Variants in ATP8B2 observed in about 807,000 individuals in gnomAD.
ATP8B2 encodes phospholipid-transporting ATPase ID.
A neutral mutation model predicts 133.4 loss-of-function variants in ATP8B2; 70 were observed. That is an observed-to-expected ratio of 0.52 (90% CI 0.43 to 0.64). ATP8B2 has a LOEUF of 0.64. Ranked by LOEUF, ATP8B2 falls within the 30% of genes least tolerant of loss-of-function variation. The pLI, the probability that ATP8B2 is intolerant of heterozygous loss-of-function variation, is 0.00. For missense variants in ATP8B2, 1,101 were observed against 1,535.7 expected, an observed-to-expected ratio of 0.72 and a Z score of 4.73; for synonymous variants, 517 against 589.5, an observed-to-expected ratio of 0.88 and a Z score of 1.78.
At chr1:154,333,931 G>A (rs1686090671) in intron 9 of ATP8B2, among the ~76,000 whole-genome samples, 176 bp from the exon 10 acceptor site, 1 of 152,122 alleles carries the variant, frequency 6.6e-6, no homozygotes, top group East Asian at 1.9e-4. Flanking sequence ...TGCCGCGCCC[G>A]GCCTGCTTCA....
In ATP8B2 at chr1:154,345,637, G is replaced by C. The variant is rs893664742; in HGVS notation, c.2694+92G>C. On this transcript the variant is annotated intron_variant, in intron 23 of 27. Transcript: ENST00000368489. This position sits in a 1 kb window ranked among gnomAD's most constrained non-coding sequence, Gnocchi z 5.6. ...TTATCACTCAGTCCCCCAGGGCCTA[G>C]CTATTTTCTGGTACATACTCTTAAA... 7.3e-7 allele frequency: 1 copy of C among 1,360,864 alleles called. No individual in the cohort carries two copies. The highest frequency in any genetic ancestry group is 1.0e-6 in the Non-Finnish European group (1 of 975,080). 84.3% of individuals were successfully genotyped at this position (1,360,864 alleles called of 1,614,324 possible).
Position 154,331,546 on chromosome 1 carries a change from G to T in ATP8B2, c.365+41G>T, listed in dbSNP as rs1344962000. On this transcript the variant is annotated intron_variant, in intron 6 of 27. Transcript: ENST00000368489. The surrounding 1 kb of genome is among the most constrained non-coding windows in gnomAD (Gnocchi z 4.8). ...AGACAAGAGCTCTGGGGACGAAGGGGGTCCCTTAGGAACCTCTTTAGCTCC... is the reference window on the plus strand; with the variant it reads ...AGACAAGAGCTCTGGGGACGAAGGGTGTCCCTTAGGAACCTCTTTAGCTCC... 6 of 1,613,314 alleles carry T rather than the reference G, an allele frequency of 3.7e-6. No homozygotes were observed. In the South Asian group the frequency reaches 6.6e-5, roughly 18 times the overall value.
Position 154,331,106 on chromosome 1 carries a change from T to G in ATP8B2, c.263T>G (p.Val88Gly). The G allele has an allele frequency of 6.2e-7, 1 of 1,614,180 alleles. No individual in the cohort carries two copies. The highest frequency in any genetic ancestry group is 8.5e-7 in the Non-Finnish European group (1 of 1,179,998). ...WFTTIVPLVL[V>G]LTITAVKDAT... ...ACCACCATTGTGCCTTTGGTTCTTG[T>G]CCTCACCATCACAGCTGTTAAAGAT... Residue 88 changes from valine (V) to glycine (G), a missense_variant, in exon 5 of 28, where the codon GTC becomes GGC. Physicochemically the swap from Val to Gly is moderately radical, Grantham distance 109. Transcript: ENST00000368489. The surrounding 1 kb of genome is among the most constrained non-coding windows in gnomAD (Gnocchi z 4.8).
chr1:154,334,196 C>G lies in ATP8B2; in HGVS notation c.679C>G (p.Gln227Glu), dbSNP rs1686098443. The change falls in exon 10 of 28, where the codon CAG becomes GAG. Residue 227 changes from glutamine to glutamate, a missense_variant. By Grantham distance (29) the Gln-to-Glu change is conservative (BLOSUM62 2). Coordinates refer to ENST00000368489, the MANE Select transcript of ATP8B2 (RefSeq NM_001370597.1). The surrounding 1 kb of genome is among the most constrained non-coding windows in gnomAD (Gnocchi z 4.6). ...WKENKFPLSN[Q>E]NMLLRGCVLR... ...GGAAAATAAGTTCCCTCTGAGCAAC[C>G]AGAACATGCTGCTGCGGGGCTGTGT... The G allele has an allele frequency of 6.2e-7, 1 of 1,614,180 alleles. No homozygotes were observed.
intron 14 of ATP8B2, 77 bp downstream of exon 14, chr1:154,342,600 G>A: frequency 6.6e-7 from 1 of 1,513,438 alleles, no homozygotes; most frequent in Admixed American, 1.7e-5. Context: ...CAGGAGTGAT[G>A]TGTTGTCTGG....
Position 154,348,551 on chromosome 1 carries a change from G to A in ATP8B2, c.3294+13G>A, listed in dbSNP as rs1686674294. ...TCTCTCCGACACGGTGAGAAGCCAG[G>A]CTACCTGCTGTGGGAGGCAGAGATG... On this transcript the variant is annotated intron_variant, in intron 27 of 27. Transcript: ENST00000368489. 3 of 1,612,406 alleles carry A rather than the reference G, an allele frequency of 1.9e-6. No homozygotes were observed.
chr1:154,340,503 C>T lies in ATP8B2; in HGVS notation c.1035-351C>T. The T allele has an allele frequency of 4.1e-6, 1 of 243,612 alleles. No individual in the cohort carries two copies. Among genetic ancestry groups the T allele is most frequent in the Non-Finnish European group, 8.7e-6 (1 of 115,194 alleles). The allele number at this position is 243,612 out of a possible 1,614,324, so 15.1% of individuals were successfully genotyped here. A position where few individuals can be genotyped will look rare whatever the true frequency, so the allele number is the denominator to read the frequency against. ...CTCTCCCCTCCCTCTGGCACTTTCT[C>T]TTGTTTTTCTCTGCATGGTTTCTGT... On this transcript the variant is annotated intron_variant, in intron 12 of 27. Coordinates refer to ENST00000368489, the MANE Select transcript of ATP8B2 (RefSeq NM_001370597.1). This position sits in a 1 kb window ranked among gnomAD's most constrained non-coding sequence, Gnocchi z 4.0.
In ATP8B2 at chr1:154,345,239, G is replaced by A. The variant is rs1164233585; in HGVS notation, c.2471-83G>A. On this transcript the variant is annotated intron_variant, in intron 22 of 27. Transcript: ENST00000368489. This position sits in a 1 kb window ranked among gnomAD's most constrained non-coding sequence, Gnocchi z 5.6. Reference sequence around the variant, plus strand: ...GGTCTCTGGACTGCAGAAGAATGACGGGAAGGGGGTTGTAACTTGGTAGGC... The same window carrying A: ...GGTCTCTGGACTGCAGAAGAATGACAGGAAGGGGGTTGTAACTTGGTAGGC... 49 of 1,600,656 alleles carry A rather than the reference G, an allele frequency of 3.1e-5. No individual in the cohort carries two copies. Among genetic ancestry groups the A allele is most frequent in the Non-Finnish European group, 3.7e-5 (43 of 1,171,276 alleles).
chr1:154,330,523 C>CGTTGGG, intron 3 of ATP8B2, 69 bp downstream of exon 3: 2 of 1,532,536 alleles, frequency 1.3e-6, no homozygotes, highest in Non-Finnish European at 1.8e-6. Context: ...GACAACCTAC[C>CGTTGGG]GTTGGGACTG....
chr1:154,346,439 C>G lies in ATP8B2; in HGVS notation c.2987C>G (p.Thr996Ser). ...GCTGACTACCAGTCCTTTGCAGTCA[C>G]TGTGGCCACATCCTTGGTCATTGTG... ...QLADYQSFAV[T>S]VATSLVIVVS... Residue 996 changes from threonine (T) to serine (S), a missense_variant, in exon 25 of 28, where the codon ACT becomes AGT. Coordinates refer to ENST00000368489, the MANE Select transcript of ATP8B2 (RefSeq NM_001370597.1). The surrounding 1 kb of genome is among the most constrained non-coding windows in gnomAD (Gnocchi z 4.5). The G allele has an allele frequency of 6.2e-7, 1 of 1,614,160 alleles. No homozygotes were observed. Among genetic ancestry groups the G allele is most frequent in the Non-Finnish European group, 8.5e-7 (1 of 1,179,998 alleles).
Position 154,328,986 on chromosome 1 carries a change from T to G in ATP8B2, c.31+814T>G. On this transcript the variant is annotated intron_variant, in intron 2 of 27. Coordinates refer to ENST00000368489, the MANE Select transcript of ATP8B2 (RefSeq NM_001370597.1). This position sits in a 1 kb window ranked among gnomAD's most constrained non-coding sequence, Gnocchi z 4.6. ...CTGCCCTCCCCCACTCAAACCGGGATCATGACGGTCCCCAAGGAGATGCCC... is the reference window on the plus strand; with the variant it reads ...CTGCCCTCCCCCACTCAAACCGGGAGCATGACGGTCCCCAAGGAGATGCCC... The G allele has an allele frequency of 7.7e-7, 1 of 1,303,930 alleles. No homozygotes were observed. The highest frequency in any genetic ancestry group is 1.0e-6 in the Non-Finnish European group (1 of 988,834). 80.8% of individuals were successfully genotyped at this position (1,303,930 alleles called of 1,614,324 possible). A position where few individuals can be genotyped will look rare whatever the true frequency, so the allele number is the denominator to read the frequency against.
Position 154,340,746 on chromosome 1 carries a change from T to C in ATP8B2, c.1035-108T>C. On this transcript the variant is annotated intron_variant, in intron 12 of 27. Transcript: ENST00000368489. The surrounding 1 kb of genome is among the most constrained non-coding windows in gnomAD (Gnocchi z 4.0). ...CCCAGGTTTCTGTGCCCAGGTGTCT[T>C]CTCCGTTCTTGTCTCTCCCCAGGCG... 9.5e-7 allele frequency: 1 copy of C among 1,056,150 alleles called. No individual in the cohort carries two copies. The highest frequency in any genetic ancestry group is 1.4e-5 in the South Asian group (1 of 70,310). The allele number at this position is 1,056,150 out of a possible 1,614,324, so 65.4% of individuals were successfully genotyped here.
At chr1:154,332,785 C>G in intron 9 of ATP8B2, 88 bp downstream of exon 9, 1 of 1,067,816 alleles carries the variant, frequency 9.4e-7, no homozygotes, top group South Asian at 1.4e-5. Context: ...TTCCTTTGGG[C>G]TTTTTGTTGT....
chr1:154,344,338 C>G lies in ATP8B2; in HGVS notation c.2036-57C>G, dbSNP rs1419162025. The G allele has an allele frequency of 1.2e-6, 2 of 1,613,998 alleles. No individual in the cohort carries two copies. Among genetic ancestry groups the G allele is most frequent in the African/African-American group, 2.7e-5 (2 of 74,922 alleles). Reference sequence around the variant, plus strand: ...CATGGAGCCGAGGACATCAGGCAGGCAAGTGTGCTGACCTTGTTGGGTGCC... The same window carrying G: ...CATGGAGCCGAGGACATCAGGCAGGGAAGTGTGCTGACCTTGTTGGGTGCC... On this transcript the variant is annotated intron_variant, in intron 19 of 27. Coordinates refer to ENST00000368489, the MANE Select transcript of ATP8B2 (RefSeq NM_001370597.1). This position sits in a 1 kb window ranked among gnomAD's most constrained non-coding sequence, Gnocchi z 4.1.
In ATP8B2 at chr1:154,345,835, C is replaced by T. The variant is rs777746875; in HGVS notation, c.2730C>T (p.Asn910=). The T allele has an allele frequency of 4.3e-6, 7 of 1,613,880 alleles. No individual in the cohort carries two copies. The Admixed American group carries it at 6.7e-5, about 15-fold the overall frequency. ...VYDQYFITLY[N]IVYTSLPVLA... ...ACCAGTATTTCATCACCCTGTATAA[C>T]ATCGTGTACACCTCCCTGCCAGTCC... Residue 910 remains asparagine, a synonymous_variant, in exon 24 of 28, where the codon AAC becomes AAT. Coordinates refer to ENST00000368489, the MANE Select transcript of ATP8B2 (RefSeq NM_001370597.1). This position sits in a 1 kb window ranked among gnomAD's most constrained non-coding sequence, Gnocchi z 5.6.
chr1:154,342,790 T>C lies in ATP8B2; in HGVS notation c.1288-6T>C. 2 of 1,613,950 alleles carry C rather than the reference T, an allele frequency of 1.2e-6. No homozygotes were observed. Among genetic ancestry groups the C allele is most frequent in the Non-Finnish European group, 1.7e-6 (2 of 1,179,918 alleles). ...CCTTTCCTAAGAGCCTTCTTATGTG[T>C]TTCAGAGGCCTGAACCTGTTGACTT... On this transcript the variant is annotated splice_region_variant and splice_polypyrimidine_tract_variant and intron_variant, in intron 14 of 27. Coordinates refer to ENST00000368489, the MANE Select transcript of ATP8B2 (RefSeq NM_001370597.1).
At chr1:154,332,248 G>A (rs1045740983) in intron 8 of ATP8B2, among the ~76,000 whole-genome samples, 1 of 152,188 alleles carries the variant, frequency 6.6e-6, no homozygotes, top group Non-Finnish European at 1.5e-5. Context: ...AGAGGATGGG[G>A]AGAGGTGGGC....
At position 154,346,622 on chromosome 1, in the gene ATP8B2, T is replaced by C. The variant is rs778613739; in HGVS notation, c.3027T>C (p.Ile1009=). 1.2e-6 allele frequency: 2 copies of C among 1,614,198 alleles called. No homozygotes were observed. The highest frequency in any genetic ancestry group is 2.2e-5 in the East Asian group (1 of 44,882). Residue 1009 remains isoleucine, a splice_region_variant and synonymous_variant, in exon 26 of 28, where the codon ATT becomes ATC. Transcript: ENST00000368489. This position sits in a 1 kb window ranked among gnomAD's most constrained non-coding sequence, Gnocchi z 4.5. ...CTGACTATGCCTACTTTCTGCAGAT[T>C]GGGCTCGACACAGGCTACTGGACGG... The part of the protein sequence containing the change: ...TSLVIVVSVQ[I]GLDTGYWTAI...
Position 154,344,586 on chromosome 1 carries a change from C to T in ATP8B2, c.2142-55C>T. On this transcript the variant is annotated intron_variant, in intron 20 of 27. Transcript: ENST00000368489. This position sits in a 1 kb window ranked among gnomAD's most constrained non-coding sequence, Gnocchi z 4.1. Reference sequence around the variant, plus strand: ...TTCTGGACCATTTAGACTTGAATCCCTGCTCCCCACTGCCGTTCTGGAAGA... The same window carrying T: ...TTCTGGACCATTTAGACTTGAATCCTTGCTCCCCACTGCCGTTCTGGAAGA... The T allele has an allele frequency of 6.2e-7, 1 of 1,608,324 alleles. No individual in the cohort carries two copies. The highest frequency in any genetic ancestry group is 1.1e-5 in the South Asian group (1 of 91,010).
Sources: allele counts gnomAD v4.1 joint callset (sites outside exome capture counted in the v4.1 genomes callset), GRCh38; gene constraint gnomAD v4.1.1; non-coding constraint Gnocchi (gnomAD v3.1); transcripts MANE v1.5; gene names NCBI Gene and HGNC (gene_info 2026-07-23, HGNC 2026-07-21).